Variants in GPC6 observed in about 807,000 individuals in gnomAD.
The protein encoded by GPC6 is glypican-6.
Under a neutral mutation model 55.2 loss-of-function variants are expected in GPC6, and 14 were observed. The ratio of observed to expected loss-of-function variants is 0.25; its 90% CI spans 0.17 to 0.40. The LOEUF is 0.40. Ranked by LOEUF, GPC6 falls within the 10% of genes least tolerant of loss-of-function variation. The probability of loss-of-function intolerance (pLI) is 1.00; values close to 1 mark genes in which losing one functional copy is unlikely to be tolerated. For synonymous variants in GPC6, 278 were observed against 259.6 expected, an observed-to-expected ratio of 1.07 and a Z score of -0.68; for missense variants, 641 against 708.5, an observed-to-expected ratio of 0.90 and a Z score of 1.08.
In GPC6 at chr13:93,490,023, A is replaced by G. The variant is rs2139354580; in HGVS notation, c.161-55240A>G. On this transcript the variant is annotated intron_variant, in intron 1 of 8. Transcript: ENST00000377047. ...CACTATGTTGAATAGGAGTGGTGAGAGAGGGCATCCCTGTCTTGTGCCAGT... is the reference window on the plus strand; with the variant it reads ...CACTATGTTGAATAGGAGTGGTGAGGGAGGGCATCCCTGTCTTGTGCCAGT... Among the ~76,000 whole-genome samples, 2 of 150,930 alleles carry G rather than the reference A, an allele frequency of 1.3e-5. 1 individual carries two copies. The highest frequency in any genetic ancestry group is 6.8e-3 in the Middle Eastern group (2 of 292).
intron 1 of GPC6, among the ~76,000 whole-genome samples, chr13:93,518,522 T>C (rs1881292234): frequency 1.3e-5 from 2 of 152,014 alleles, no homozygotes; most frequent in Non-Finnish European, 2.9e-5. Flanking sequence ...TATTCTGATA[T>C]TTAAAATATG....
At chr13:93,541,161 G>C (rs935120765) in intron 1 of GPC6, among the ~76,000 whole-genome samples, 2 of 142,308 alleles carry the variant, frequency 1.4e-5, no homozygotes, top group African/African-American at 5.2e-5. Context: ...ATCTCCTAAA[G>C]CTATCCCTCC....
chr13:94,275,320 G>T (rs577754547), intron 4 of GPC6, among the ~76,000 whole-genome samples: 16 of 152,278 alleles, frequency 1.1e-4, no homozygotes, highest in African/African-American at 3.4e-4. Flanking sequence ...GAGTTGTAGG[G>T]TTGTTAGAGA....
chr13:93,796,357 T>C (rs1220405424), intron 2 of GPC6, among the ~76,000 whole-genome samples: 1 of 152,206 alleles, frequency 6.6e-6, no homozygotes, highest in Non-Finnish European at 1.5e-5. Flanking sequence ...GCTATTTTCA[T>C]TCGTAGTATT....
chr13:94,178,955 C>T (rs992491589), intron 4 of GPC6, among the ~76,000 whole-genome samples: 2 of 152,202 alleles, frequency 1.3e-5, no homozygotes, highest in Non-Finnish European at 2.9e-5. Flanking sequence ...GGCTGGAGCT[C>T]AGCCCTCCTT....
At chr13:94,036,677 G>T (rs1594685000) in intron 4 of GPC6, among the ~76,000 whole-genome samples, 1 of 152,104 alleles carries the variant, frequency 6.6e-6, no homozygotes, top group East Asian at 1.9e-4. Flanking sequence ...CTACCCATTT[G>T]GTCGCAAGAG....
At chr13:94,198,170 C>T (rs1469240334) in intron 4 of GPC6, among the ~76,000 whole-genome samples, 3 of 152,010 alleles carry the variant, frequency 2.0e-5, no homozygotes, top group Non-Finnish European at 4.4e-5. Flanking sequence ...AAAGAAATTT[C>T]ATCCTAGATC....
intron 1 of GPC6, among the ~76,000 whole-genome samples, chr13:93,513,859 C>G: frequency 6.8e-6 from 1 of 146,332 alleles, no homozygotes; most frequent in East Asian, 2.1e-4. Context: ...ATGAACGAAT[C>G]CTTTGCTGAA....
At chr13:94,166,505 C>T (rs1594011704) in intron 4 of GPC6, among the ~76,000 whole-genome samples, 1 of 152,128 alleles carries the variant, frequency 6.6e-6, no homozygotes, top group East Asian at 1.9e-4. Flanking sequence ...GAAGTCATCT[C>T]TCTGTCAGTA....
chr13:94,124,943 G>A (rs1886754590), intron 4 of GPC6, among the ~76,000 whole-genome samples: 1 of 152,082 alleles, frequency 6.6e-6, no homozygotes, highest in Non-Finnish European at 1.5e-5. Flanking sequence ...GGCAATTTGT[G>A]TGATAAACTG....
intron 1 of GPC6, among the ~76,000 whole-genome samples, chr13:93,406,738 G>C (rs1356710005): frequency 6.6e-6 from 1 of 152,090 alleles, no homozygotes; most frequent in Non-Finnish European, 1.5e-5. Context: ...TGTGTCTCTT[G>C]ATGTGATTCA....
chr13:93,432,777 G>C (rs551847004), intron 1 of GPC6, among the ~76,000 whole-genome samples: 1 of 152,108 alleles, frequency 6.6e-6, no homozygotes, highest in Non-Finnish European at 1.5e-5. Flanking sequence ...TAATGTTTTT[G>C]TTAATGAATC....
chr13:94,195,737 C>G (rs1343962465), intron 4 of GPC6, among the ~76,000 whole-genome samples: 1 of 152,210 alleles, frequency 6.6e-6, no homozygotes. Flanking sequence ...CACACAGCCT[C>G]TAATGCATCA....
At chr13:94,271,287 G>A (rs930934813) in intron 4 of GPC6, among the ~76,000 whole-genome samples, 22 of 151,576 alleles carry the variant, frequency 1.5e-4, no homozygotes, top group Non-Finnish European at 2.9e-4. Flanking sequence ...CACCGCACCT[G>A]GCCACAGAGA....
intron 1 of GPC6, among the ~76,000 whole-genome samples, chr13:93,357,402 T>C (rs774341058): frequency 6.6e-6 from 1 of 152,230 alleles, no homozygotes; most frequent in Non-Finnish European, 1.5e-5. Flanking sequence ...GCTATTGAGT[T>C]ATCAATGAAT....
intron 1 of GPC6, among the ~76,000 whole-genome samples, chr13:93,492,004 T>G (rs371070100): frequency 1.3e-3 from 162 of 127,288 alleles, no homozygotes; most frequent in African/African-American, 2.0e-3. Context: ...GGCGATGCGG[T>G]CTCTTTTTTG....
chr13:93,323,649 A>G (rs2038724), intron 1 of GPC6, among the ~76,000 whole-genome samples: 134,718 of 152,182 alleles, frequency 0.89, 59,753 homozygotes, highest in East Asian at 1. Flanking sequence ...ATTCAGTATG[A>G]AGTACCATGA....
chr13:93,274,217 A>T (rs571156588), intron 1 of GPC6, among the ~76,000 whole-genome samples: 13 of 152,266 alleles, frequency 8.5e-5, no homozygotes, highest in Admixed American at 7.2e-4. Context: ...TCATTCAATC[A>T]TTATCTACTA....
chr13:93,461,150 T>C (rs1286204019), intron 1 of GPC6, among the ~76,000 whole-genome samples: 2 of 152,146 alleles, frequency 1.3e-5, no homozygotes, highest in Non-Finnish European at 1.5e-5. Flanking sequence ...AAATGTATAA[T>C]ACTAGTGCCA....
Sources: gnomAD v4.1 joint callset for allele counts (sites outside exome capture counted in the v4.1 genomes callset) on GRCh38, gnomAD v4.1.1 for gene constraint, MANE v1.5 for transcripts, NCBI Gene and HGNC (gene_info 2026-07-23, HGNC 2026-07-21) for gene names.